ANKRD36: variants seen among roughly 807,000 people sequenced by gnomAD.
ANKRD36 encodes the protein ankyrin repeat domain 36, also known as ankyrin repeat domain-containing protein 36A.
In ANKRD36, 179 loss-of-function variants were observed where a neutral mutation model predicts 278.1. The ratio of observed to expected loss-of-function variants is 0.64; its 90% CI spans 0.57 to 0.73. ANKRD36 has a LOEUF of 0.73. Ranked by LOEUF, ANKRD36 falls within the 30% of genes least tolerant of loss-of-function variation. The pLI, the probability that ANKRD36 is intolerant of heterozygous loss-of-function variation, is 0.00. For synonymous variants in ANKRD36, 320 were observed against 641.1 expected, an observed-to-expected ratio of 0.50 and a Z score of 7.57; for missense variants, 1,159 against 1,956.7, an observed-to-expected ratio of 0.59 and a Z score of 7.69.
chr2:97,178,368 C>A (rs1204205939), intron 22 of ANKRD36, among the ~76,000 whole-genome samples: 1 of 151,924 alleles, frequency 6.6e-6, no homozygotes, highest in African/African-American at 2.4e-5. Context: ...GCTATAAAGA[C>A]ACATGCACAC....
At chr2:97,205,686 C>T (rs1413393976) in intron 50 of ANKRD36, among the ~76,000 whole-genome samples, 15 of 151,378 alleles carry the variant, frequency 9.9e-5, no homozygotes, top group East Asian at 9.9e-4. Context: ...GATATTGACA[C>T]GGTTTTATTT....
intron 24 of ANKRD36, among the ~76,000 whole-genome samples, chr2:97,181,318 C>T (rs956817803): frequency 1.1e-4 from 17 of 151,500 alleles, no homozygotes; most frequent in Non-Finnish European, 2.1e-4. Context: ...CCTCATCACT[C>T]GGCATATCCA....
At chr2:97,213,939 A>G (rs1160033041) in intron 60 of ANKRD36, among the ~76,000 whole-genome samples, 1 of 151,694 alleles carries the variant, frequency 6.6e-6, no homozygotes, top group Non-Finnish European at 1.5e-5. Context: ...GGAGAAAGAC[A>G]TGAAGTATAT....
chr2:97,177,436 G>A (rs544211177), intron 22 of ANKRD36, among the ~76,000 whole-genome samples: 1 of 151,786 alleles, frequency 6.6e-6, no homozygotes, highest in African/African-American at 2.4e-5. Context: ...TATACTACAA[G>A]GCTACAGTAA....
At chr2:97,173,229 A>C (rs1272100383) in intron 22 of ANKRD36, among the ~76,000 whole-genome samples, 1 of 151,544 alleles carries the variant, frequency 6.6e-6, no homozygotes, top group Non-Finnish European at 1.5e-5. Flanking sequence ...ATAGCTCCAC[A>C]AAGTGTTGTG....
Position 97,245,622 on chromosome 2 carries a change from CA to C in ANKRD36, c.4959del (p.Gln1653HisfsTer23). 6.4e-7 allele frequency: 1 copy of C among 1,555,402 alleles called. No homozygotes were observed. ...LNSHVLILSL[Q>X]LSKAESKSRV... is the part of the protein sequence containing the mutation. ...TTCTCATGTTCTGATTCTTTCTCTG[CA>C]ACTTTCTAAAGCTGAGAGTAAGTCC... On this transcript the variant is annotated frameshift_variant, in exon 71 of 76. Coordinates refer to ENST00000420699, the MANE Select transcript of ANKRD36 (RefSeq NM_001354587.1). LOFTEE classifies it high-confidence loss of function.
rs1156268694 is a variant in ANKRD36, at chr2:97,152,598, G to A, written c.1193+64G>A. On this transcript the variant is annotated intron_variant, in intron 14 of 75. Transcript: ENST00000420699. ...AAGTGAATAGAGAGAAGAGAAACTA[G>A]TATTTGTTTAGTATTCTACTCTGTG... The A allele has an allele frequency of 8.9e-6, 12 of 1,355,020 alleles. No homozygotes were observed. The African/African-American group carries it at 1.1e-4, about 13-fold the overall frequency. The allele number at this position is 1,355,020 out of a possible 1,614,324, so 83.9% of individuals were successfully genotyped here. A position where few individuals can be genotyped will look rare whatever the true frequency, so the allele number is the denominator to read the frequency against.
chr2:97,244,174 A>C (rs1355681677), intron 70 of ANKRD36, 145 bp downstream of exon 70: 10 of 1,121,116 alleles, frequency 8.9e-6, no homozygotes, highest in South Asian at 3.6e-5. Context: ...ATTTATAGCT[A>C]TAATTATTTA....
intron 32 of ANKRD36, 93 bp downstream of exon 32, chr2:97,187,494 G>GT: frequency 1.4e-4 from 13 of 95,514 alleles, no homozygotes; most frequent in South Asian, 5.5e-4. Context: ...GGGTGGGGGG[G>GT]CTCGCCGAAG....
At chr2:97,198,964 G>A (rs1359244213) in intron 44 of ANKRD36, among the ~76,000 whole-genome samples, 20 of 151,976 alleles carry the variant, frequency 1.3e-4, no homozygotes, top group African/African-American at 4.8e-4. Context: ...TTTTCAGTAA[G>A]GGTGGAAGGA....
intron 17 of ANKRD36, among the ~76,000 whole-genome samples, chr2:97,160,643 T>C (rs1373110054): frequency 1.3e-5 from 2 of 152,098 alleles, no homozygotes; most frequent in Non-Finnish European, 2.9e-5. Context: ...TTAACTATTA[T>C]CTTTATGGCA....
intron 64 of ANKRD36, among the ~76,000 whole-genome samples, chr2:97,218,717 T>G (rs1261247009): frequency 1.3e-5 from 2 of 152,234 alleles, no homozygotes; most frequent in East Asian, 3.9e-4. Context: ...CTTTTACACT[T>G]ATTTCTAGGG....
At chr2:97,197,985 C>T (rs1307428380) in intron 42 of ANKRD36, among the ~76,000 whole-genome samples, 4 of 151,872 alleles carry the variant, frequency 2.6e-5, no homozygotes, top group Non-Finnish European at 4.4e-5. Flanking sequence ...TGTACTTCAA[C>T]TGAATTGTCA....
At chr2:97,169,341 G>T (rs112960557) in intron 22 of ANKRD36, among the ~76,000 whole-genome samples, 3 of 152,306 alleles carry the variant, frequency 2.0e-5, no homozygotes, top group African/African-American at 7.2e-5. Context: ...TTAGATTCTG[G>T]ATATTAGCCT....
chr2:97,156,288 T>C (rs2047410761), intron 15 of ANKRD36, among the ~76,000 whole-genome samples: 1 of 145,664 alleles, frequency 6.9e-6, no homozygotes, highest in Admixed American at 6.8e-5. Context: ...GTTACATATG[T>C]ATACATGTGC....
At chr2:97,190,908 C>G (rs2058374650) in intron 34 of ANKRD36, 70 bp from the exon 35 acceptor site, 26 of 1,576,126 alleles carry the variant, frequency 1.6e-5, no homozygotes, top group Non-Finnish European at 2.2e-5. Context: ...GATGCTAACA[C>G]TGTGTGAATG....
At chr2:97,190,233 C>T (rs2058216240) in intron 34 of ANKRD36, among the ~76,000 whole-genome samples, 1 of 95,050 alleles carries the variant, frequency 1.1e-5, no homozygotes, top group Non-Finnish European at 3.5e-5. Flanking sequence ...ATATCTAATG[C>T]TTGTAGCAGT....
At chr2:97,213,924 T>G (rs1409801602) in intron 60 of ANKRD36, among the ~76,000 whole-genome samples, 3 of 151,620 alleles carry the variant, frequency 2.0e-5, no homozygotes, top group Non-Finnish European at 4.4e-5. Context: ...TCAATAAGGG[T>G]AGAAGGAGAA....
At chr2:97,176,045 G>C (rs1275066599) in intron 22 of ANKRD36, among the ~76,000 whole-genome samples, 4 of 150,332 alleles carry the variant, frequency 2.7e-5, no homozygotes, top group East Asian at 2.0e-4. Flanking sequence ...TTACTTCCAA[G>C]TATGTGGTCA....
Sources: allele counts gnomAD v4.1 joint callset (sites outside exome capture counted in the v4.1 genomes callset), GRCh38; gene constraint gnomAD v4.1.1; transcripts MANE v1.5; gene names NCBI Gene and HGNC (gene_info 2026-07-23, HGNC 2026-07-21).